CDH23: variants seen among roughly 807,000 people sequenced by gnomAD.
CDH23 encodes cadherin related 23.
CDH23 carries 189 observed loss-of-function variants against 317.1 expected under a neutral mutation model. That is an observed-to-expected ratio of 0.60 (90% CI 0.53 to 0.67). CDH23 has a LOEUF of 0.67. Among genes scored for constraint, CDH23 ranks in the 30% least tolerant of loss-of-function variants. The pLI, the probability that CDH23 is intolerant of heterozygous loss-of-function variation, is 0.00. For synonymous variants in CDH23, 1,839 were observed against 1,876.8 expected (o/e 0.98, Z 0.52); for missense variants, 4,401 against 4,592.4 (o/e 0.96, Z 1.20).
At chr10:71,802,429 T>TG (rs1171019879) in intron 53 of CDH23, among the ~76,000 whole-genome samples, 2 of 152,106 alleles carry the variant, frequency 1.3e-5, no homozygotes, top group Non-Finnish European at 2.9e-5. Context: ...TGCCCTGGGC[T>TG]GGGGGGTCAG....
rs116211283 is a variant in CDH23, at chr10:71,500,059, A to G, written c.146-10023A>G. Among the ~76,000 whole-genome samples, 518 of 151,952 alleles carry G rather than the reference A, an allele frequency of 3.4e-3. 3 individuals are homozygous for G. Among genetic ancestry groups the G allele is most frequent in the African/African-American group, 0.012 (486 of 41,428 alleles). On this transcript the variant is annotated intron_variant, in intron 3 of 69. Transcript: ENST00000224721. The stretch of plus-strand genomic sequence containing the variant: ...AAAAAGGATAGTGCTGTGTAGCACA[A>G]TAGGGTGGCTATAGTTAGCAATAAT...
At chr10:71,631,538 A>G (rs1012209676) in intron 11 of CDH23, among the ~76,000 whole-genome samples, 2 of 152,252 alleles carry the variant, frequency 1.3e-5, no homozygotes, top group African/African-American at 4.8e-5. Flanking sequence ...GTAGTGGCAA[A>G]TTAACACGCA....
At chr10:71,662,194 A>G (rs1308037656) in intron 14 of CDH23, among the ~76,000 whole-genome samples, 2 of 151,950 alleles carry the variant, frequency 1.3e-5, no homozygotes, top group Non-Finnish European at 1.5e-5. Flanking sequence ...TATTTAATCT[A>G]TCAGATGTGT....
intron 41 of CDH23, among the ~76,000 whole-genome samples, chr10:71,780,536 A>G (rs144027608): frequency 8.2e-4 from 125 of 152,314 alleles, no homozygotes; most frequent in South Asian, 7.9e-3. Context: ...TTCACAGAGA[A>G]GCAAAAAGGC....
chr10:71,668,979 C>A (rs1211258088), intron 14 of CDH23, among the ~76,000 whole-genome samples: 1 of 152,198 alleles, frequency 6.6e-6, no homozygotes, highest in Non-Finnish European at 1.5e-5. Flanking sequence ...CTGGTAATGC[C>A]AGCATTGGGG....
chr10:71,775,621 T>C (rs77702180), intron 38 of CDH23, among the ~76,000 whole-genome samples: 116 of 152,086 alleles, frequency 7.6e-4, no homozygotes, highest in African/African-American at 2.7e-3. Flanking sequence ...GAGCACTGAC[T>C]TTCTCCTCCC....
Position 71,555,617 on chromosome 10 carries a change from A to G in CDH23, c.430-11125A>G, listed in dbSNP as rs114658108. On this transcript the variant is annotated intron_variant, in intron 6 of 69. Coordinates refer to ENST00000224721, the MANE Select transcript of CDH23 (RefSeq NM_022124.6). ...GCAGGTGCAGGGACGGCCCTGGAATATTGTCAGTGATGGCAGGTGGCACTG... is the reference window on the plus strand; with the variant it reads ...GCAGGTGCAGGGACGGCCCTGGAATGTTGTCAGTGATGGCAGGTGGCACTG... 5.7e-3 allele frequency among the ~76,000 whole-genome samples: 869 copies of G among 152,156 alleles called. 13 individuals are homozygous for G. The highest frequency in any genetic ancestry group is 0.019 in the African/African-American group (794 of 41,506).
chr10:71,628,831 G>A (rs904292520), intron 11 of CDH23, among the ~76,000 whole-genome samples: 2 of 152,216 alleles, frequency 1.3e-5, no homozygotes, highest in African/African-American at 4.8e-5. Context: ...AGTTGTCACA[G>A]GTTTACATCC....
chr10:71,658,370 C>T (rs1394739039), intron 14 of CDH23, among the ~76,000 whole-genome samples: 3 of 152,154 alleles, frequency 2.0e-5, no homozygotes, highest in Non-Finnish European at 2.9e-5. Flanking sequence ...GCCTCTGCCT[C>T]GGAAGTGAAT....
chr10:71,625,168 G>A (rs74145209), intron 11 of CDH23, among the ~76,000 whole-genome samples: 154 of 152,018 alleles, frequency 1.0e-3, no homozygotes, highest in African/African-American at 3.5e-3. Flanking sequence ...CTTGGGACCC[G>A]AGGGTTGAGA....
chr10:71,688,527 G>GTGGTGGAACCAGGGA (rs1865003231), intron 19 of CDH23, among the ~76,000 whole-genome samples: 2 of 147,744 alleles, frequency 1.4e-5, no homozygotes, highest in African/African-American at 5.0e-5. Context: ...GGAGTCAGGG[G>GTGGTGGAACCAGGGA]TGGTGGAACC....
At chr10:71,813,530 T>C (rs565391073) in intron 69 of CDH23, among the ~76,000 whole-genome samples, 182 bp downstream of exon 69, 2 of 152,288 alleles carry the variant, frequency 1.3e-5, no homozygotes, top group Admixed American at 6.5e-5. Context: ...TTGGGGGCTT[T>C]CACAGGAATG....
chr10:71,696,323 T>A (rs1366431081), intron 22 of CDH23, among the ~76,000 whole-genome samples: 1 of 152,208 alleles, frequency 6.6e-6, no homozygotes, highest in Non-Finnish European at 1.5e-5. Context: ...ACATGAATCC[T>A]GGCAATTGAC....
chr10:71,465,702 G>A lies in CDH23; in HGVS notation c.145+19307G>A, dbSNP rs1411769964. Among the ~76,000 whole-genome samples the A allele has an allele frequency of 3.3e-5, 5 of 152,312 alleles. No individual in the cohort carries two copies. The East Asian group carries it at 9.6e-4, about 29-fold the overall frequency. On this transcript the variant is annotated intron_variant, in intron 3 of 69. Transcript: ENST00000224721. ...TCCCCACAGCTACTATGAATTCTTT[G>A]CTTCCCTGGGAAAAAAACAACCCTG...
At chr10:71,638,302 C>A (rs1214022220) in intron 11 of CDH23, among the ~76,000 whole-genome samples, 2 of 152,196 alleles carry the variant, frequency 1.3e-5, no homozygotes, top group East Asian at 3.9e-4. Flanking sequence ...CCAGGGGCCA[C>A]CCTGACTGAT....
chr10:71,626,061 C>T (rs1861720363), intron 11 of CDH23, among the ~76,000 whole-genome samples: 1 of 152,240 alleles, frequency 6.6e-6, no homozygotes, highest in African/African-American at 2.4e-5. Context: ...ATGAGACTGA[C>T]TGCTAAGTCT....
intron 9 of CDH23, among the ~76,000 whole-genome samples, chr10:71,615,076 C>T (rs955199639): frequency 2.6e-5 from 4 of 152,012 alleles, no homozygotes; most frequent in Admixed American, 6.6e-5. Flanking sequence ...AATAGAATGT[C>T]ACCATAAAAA....
chr10:71,702,118 A>C lies in CDH23; in HGVS notation c.2494A>C (p.Lys832Gln), dbSNP rs794727385. The C allele has an allele frequency of 6.2e-7, 1 of 1,613,878 alleles. No individual in the cohort carries two copies. The highest frequency in any genetic ancestry group is 8.5e-7 in the Non-Finnish European group (1 of 1,179,896). The change falls in exon 23 of 70, where the codon AAG (lysine) becomes CAG (glutamine). Residue 832 changes from lysine to glutamine, a missense_variant. Transcript: ENST00000224721. ...KFYSLNSTTGKIRTTHAMLDR... is the reference protein window; with the variant it reads ...KFYSLNSTTGQIRTTHAMLDR... The stretch of plus-strand genomic sequence containing the variant: ...CTACAGCCTCAACAGCACCACGGGC[A>C]AGATCCGCACCACCCACGCCATGCT...
chr10:71,678,971 C>A (rs1309673868), intron 16 of CDH23, among the ~76,000 whole-genome samples: 4 of 151,768 alleles, frequency 2.6e-5, no homozygotes, highest in East Asian at 1.9e-4. Flanking sequence ...GTAAGGGGAC[C>A]AATGGGGTAT....
Sources: gnomAD v4.1 joint callset for allele counts (sites outside exome capture counted in the v4.1 genomes callset) on GRCh38, gnomAD v4.1.1 for gene constraint, MANE v1.5 for transcripts, NCBI Gene and HGNC (gene_info 2026-07-23, HGNC 2026-07-21) for gene names.